PPFIBP1: variants seen among roughly 807,000 people sequenced by gnomAD.
PPFIBP1 encodes liprin-beta-1.
In PPFIBP1, 112 loss-of-function variants were observed where a neutral mutation model predicts 137.8. That is an observed-to-expected ratio of 0.81 (90% CI 0.70 to 0.95). The LOEUF is 0.95. PPFIBP1 is among the 40% of genes least tolerant of loss of function. The probability of loss-of-function intolerance (pLI) is 0.00; values close to 1 mark genes in which losing one functional copy is unlikely to be tolerated. For synonymous variants in PPFIBP1, 378 were observed against 417.3 expected (o/e 0.91, Z 1.15); for missense variants, 1,083 against 1,196.6 (o/e 0.91, Z 1.40).
chr12:27,689,091 G>A lies in PPFIBP1; in HGVS notation c.2573G>A (p.Arg858Lys), dbSNP rs780743869. The A allele has an allele frequency of 4.3e-6, 7 of 1,613,238 alleles. No individual in the cohort carries two copies. Among genetic ancestry groups the A allele is most frequent in the Non-Finnish European group, 5.9e-6 (7 of 1,179,810 alleles). ...CCACCCAATAAGACTTTGCTGCGAA[G>A]ACATTTGGCCACTCATTTCAACCTT... is the stretch of plus-strand genomic sequence containing the variant. Reference protein sequence around the residue: ...NIPPNKTLLRRHLATHFNLLI... With the variant: ...NIPPNKTLLRKHLATHFNLLI... Residue 858 changes from arginine (R) to lysine (K), a missense_variant, in exon 27 of 30, where the codon AGA (arginine) becomes AAA (lysine). Coordinates refer to ENST00000228425, the MANE Select transcript of PPFIBP1 (RefSeq NM_003622.4).
intron 4 of PPFIBP1, among the ~76,000 whole-genome samples, chr12:27,645,783 G>A (rs1487302712): frequency 6.6e-6 from 1 of 152,190 alleles, no homozygotes; most frequent in Non-Finnish European, 1.5e-5. Flanking sequence ...TCTGCTCTCA[G>A]TGAAGAATAC....
At chr12:27,612,263 A>G (rs1457755565) in intron 2 of PPFIBP1, among the ~76,000 whole-genome samples, 2 of 149,746 alleles carry the variant, frequency 1.3e-5, no homozygotes, top group South Asian at 4.2e-4. Flanking sequence ...GTATCTGCCA[A>G]GCCTCTCTCT....
At chr12:27,526,752 T>C (rs1943799571) in intron 1 of PPFIBP1, among the ~76,000 whole-genome samples, 1 of 152,130 alleles carries the variant, frequency 6.6e-6, no homozygotes, top group African/African-American at 2.4e-5. Context: ...GGAGAATCGC[T>C]TGAACCCAGG....
At chr12:27,574,442 A>G (rs2050398186) in intron 1 of PPFIBP1, among the ~76,000 whole-genome samples, 1 of 152,180 alleles carries the variant, frequency 6.6e-6, no homozygotes, top group South Asian at 2.1e-4. Context: ...TACCAAGGAA[A>G]AGATAGATAT....
rs142910651 is a variant in PPFIBP1, at chr12:27,679,564, A to G, written c.1691A>G (p.Asn564Ser). 24 of 1,613,714 alleles carry G rather than the reference A, an allele frequency of 1.5e-5. No individual in the cohort carries two copies. The African/African-American group carries it at 2.4e-4, about 16-fold the overall frequency. The stretch of plus-strand genomic sequence containing the variant: ...TCTCGGCCAAAAGATTCACAGAGGA[A>G]CAGTCCCTTCCAGATACCGCCTCCA... ...ASSRPKDSQRNSPFQIPPPSP... is the reference protein window; with the variant it reads ...ASSRPKDSQRSSPFQIPPPSP... Residue 564 changes from asparagine to serine, a missense_variant, in exon 20 of 30, where the codon AAC becomes AGC. Asn to Ser is a conservative substitution (Grantham distance 46). Transcript: ENST00000228425.
intron 2 of PPFIBP1, among the ~76,000 whole-genome samples, chr12:27,591,601 C>T (rs1342256754): frequency 6.6e-6 from 1 of 152,160 alleles, no homozygotes; most frequent in Non-Finnish European, 1.5e-5. Flanking sequence ...TGGAGAGTTC[C>T]TCAGGAGAAT....
At chr12:27,531,303 AT>A (rs1003972825) in intron 1 of PPFIBP1, among the ~76,000 whole-genome samples, 2 of 150,992 alleles carry the variant, frequency 1.3e-5, no homozygotes, top group Non-Finnish European at 3.0e-5. Context: ...AATTATTATT[AT>A]TTTTTTTTGA....
chr12:27,688,209 G>A lies in PPFIBP1; in HGVS notation c.2371-89G>A. 4 of 1,370,912 alleles carry A rather than the reference G, an allele frequency of 2.9e-6. No homozygotes were observed. In the South Asian group the frequency reaches 6.1e-5, roughly 21 times the overall value. 84.9% of individuals were successfully genotyped at this position (1,370,912 alleles called of 1,614,324 possible). On this transcript the variant is annotated intron_variant, in intron 25 of 29. Coordinates refer to ENST00000228425, the MANE Select transcript of PPFIBP1 (RefSeq NM_003622.4). Reference sequence around the variant, plus strand: ...TTTCCCTTTCTTTTTGCATTTAGTGGGTTGTTGAGTAACTGTACTCCATGG... The same window carrying A: ...TTTCCCTTTCTTTTTGCATTTAGTGAGTTGTTGAGTAACTGTACTCCATGG...
intron 2 of PPFIBP1, among the ~76,000 whole-genome samples, chr12:27,630,859 C>T (rs1462169393): frequency 4.6e-4 from 70 of 151,380 alleles, no homozygotes; most frequent in Admixed American, 4.5e-3. Context: ...ACACTTAATA[C>T]GATTATTTAT....
chr12:27,573,295 G>A (rs1212792791), intron 1 of PPFIBP1, among the ~76,000 whole-genome samples: 4 of 152,182 alleles, frequency 2.6e-5, no homozygotes, highest in African/African-American at 7.2e-5. Flanking sequence ...AAATAGTAAC[G>A]GGTGTTGGCA....
chr12:27,614,744 A>G (rs1305042067), intron 2 of PPFIBP1, among the ~76,000 whole-genome samples: 1 of 152,226 alleles, frequency 6.6e-6, no homozygotes, highest in Admixed American at 6.5e-5. Context: ...AATTTTTTCA[A>G]TAAAAAAAAT....
At chr12:27,596,798 C>T (rs1159578697) in intron 2 of PPFIBP1, among the ~76,000 whole-genome samples, 2 of 152,194 alleles carry the variant, frequency 1.3e-5, no homozygotes, top group African/African-American at 4.8e-5. Context: ...TCATCATATG[C>T]CCCATTCAAT....
intron 2 of PPFIBP1, among the ~76,000 whole-genome samples, chr12:27,622,243 C>T (rs2056407979): frequency 6.6e-6 from 1 of 151,612 alleles, no homozygotes; most frequent in African/African-American, 2.4e-5. Flanking sequence ...ATGTAACCTA[C>T]TCCCAAGACA....
chr12:27,664,723 G>A (rs1178624359), intron 12 of PPFIBP1, among the ~76,000 whole-genome samples: 4 of 152,130 alleles, frequency 2.6e-5, no homozygotes, highest in Admixed American at 6.5e-5. Flanking sequence ...AGAGAGCCTA[G>A]GGGGAAAAGA....
intron 19 of PPFIBP1, among the ~76,000 whole-genome samples, chr12:27,678,415 A>G (rs1726038052): frequency 6.6e-6 from 1 of 152,264 alleles, no homozygotes. Context: ...ATAGATTGGA[A>G]TACATTTCAA....
At chr12:27,598,652 G>A (rs1402407071) in intron 2 of PPFIBP1, among the ~76,000 whole-genome samples, 3 of 151,908 alleles carry the variant, frequency 2.0e-5, no homozygotes, top group East Asian at 1.9e-4. Flanking sequence ...AAAAATATAT[G>A]ATCATTTAGG....
At chr12:27,661,228 T>C (rs1413643452) in intron 11 of PPFIBP1, among the ~76,000 whole-genome samples, 2 of 152,206 alleles carry the variant, frequency 1.3e-5, no homozygotes, top group Non-Finnish European at 2.9e-5. Flanking sequence ...ATACATTCCA[T>C]AGTACCTCCT....
At chr12:27,631,679 T>A (rs1174490952) in intron 2 of PPFIBP1, among the ~76,000 whole-genome samples, 1 of 152,202 alleles carries the variant, frequency 6.6e-6, no homozygotes, top group Non-Finnish European at 1.5e-5. Flanking sequence ...CATACCTTCA[T>A]ATAATAGCAT....
At chr12:27,569,530 T>C (rs1337458447) in intron 1 of PPFIBP1, among the ~76,000 whole-genome samples, 1 of 152,128 alleles carries the variant, frequency 6.6e-6, no homozygotes. Flanking sequence ...CTCACCTCAA[T>C]CATTCCTGTG....
Sources: allele counts gnomAD v4.1 joint callset (sites outside exome capture counted in the v4.1 genomes callset), GRCh38; gene constraint gnomAD v4.1.1; transcripts MANE v1.5; gene names NCBI Gene and HGNC (gene_info 2026-07-23, HGNC 2026-07-21).